The following MYO18B variants were observed in gnomAD, a reference collection of about 807,000 sequenced individuals.
MYO18B encodes unconventional myosin-XVIIIb.
Under a neutral mutation model 273.0 loss-of-function variants are expected in MYO18B, and 204 were observed. The observed-to-expected ratio is 0.75, with a 90% CI of 0.67 to 0.84. The LOEUF is 0.84. Ranked by LOEUF, MYO18B falls within the 40% of genes least tolerant of loss-of-function variation. The probability of loss-of-function intolerance (pLI) is 0.00; values close to 1 mark genes in which losing one functional copy is unlikely to be tolerated. For synonymous variants in MYO18B, 1,330 were observed against 1,305.7 expected (o/e 1.02, Z -0.40); for missense variants, 3,212 against 3,287.6 (o/e 0.98, Z 0.56).
intron 2 of MYO18B, among the ~76,000 whole-genome samples, chr22:25,762,911 C>T (rs907596403): frequency 4.6e-5 from 7 of 152,238 alleles, no homozygotes; most frequent in African/African-American, 1.7e-4. Context: ...TAGAAATGGG[C>T]ATGTCCCATG....
At chr22:25,869,784 C>A (rs2090998087) in intron 22 of MYO18B, among the ~76,000 whole-genome samples, 1 of 152,200 alleles carries the variant, frequency 6.6e-6, no homozygotes, top group South Asian at 2.1e-4. Context: ...GCTACCACCC[C>A]TCAGCCCACC....
At chr22:25,946,794 C>T (rs1318940354) in intron 35 of MYO18B, among the ~76,000 whole-genome samples, 1 of 152,140 alleles carries the variant, frequency 6.6e-6, no homozygotes, top group Non-Finnish European at 1.5e-5. Context: ...CATGTCCCCT[C>T]TAGTAAGTGG....
intron 40 of MYO18B, among the ~76,000 whole-genome samples, chr22:25,993,990 T>C (rs1001886055): frequency 6.6e-6 from 1 of 152,204 alleles, no homozygotes; most frequent in Admixed American, 6.5e-5. Context: ...TAGTACTCTC[T>C]TTAGGAGATT....
At chr22:26,060,547 T>C in the MYO18B span, among the ~76,000 whole-genome samples, 12,926 of 152,196 alleles carry the variant, frequency 0.085, 613 homozygotes, top group Middle Eastern at 0.16. Flanking sequence ...ATACTGACAG[T>C]AGACTAAAGA....
At chr22:25,747,917 A>G (rs1319697409) in intron 1 of MYO18B, among the ~76,000 whole-genome samples, 4 of 152,148 alleles carry the variant, frequency 2.6e-5, no homozygotes, top group African/African-American at 9.7e-5. Context: ...GAGAGGTTTG[A>G]CAACAGGCAT....
the MYO18B span, among the ~76,000 whole-genome samples, chr22:26,043,880 T>G: frequency 6.6e-6 from 1 of 152,078 alleles, no homozygotes; most frequent in South Asian, 2.1e-4. Flanking sequence ...ACTCCTGAGC[T>G]CCTCAGCCTC....
intron 7 of MYO18B, among the ~76,000 whole-genome samples, chr22:25,773,585 C>A (rs1042792822): frequency 3.3e-5 from 5 of 152,076 alleles, no homozygotes; most frequent in Non-Finnish European, 7.4e-5. Context: ...TGCCTCAGCC[C>A]CCCGAGTAGC....
rs539638449 is a variant in MYO18B, at chr22:26,013,936, T to C, written c.6470+9081T>C. Among the ~76,000 whole-genome samples, 231 of 152,326 alleles carry C rather than the reference T, an allele frequency of 1.5e-3. 2 individuals are homozygous for C. Among genetic ancestry groups the C allele is most frequent in the African/African-American group, 5.1e-3 (214 of 41,580 alleles). On this transcript the variant is annotated intron_variant, in intron 42 of 43. Transcript: ENST00000335473. The stretch of plus-strand genomic sequence containing the variant: ...CCTTTATAAGGTATGTGGGTTTTCT[T>C]CCACTCAGTCACTTACCTTTTTCAC...
intron 31 of MYO18B, among the ~76,000 whole-genome samples, chr22:25,905,488 G>A (rs550054472): frequency 3.9e-5 from 6 of 152,152 alleles, no homozygotes; most frequent in African/African-American, 7.2e-5. Context: ...AGATCTGGTC[G>A]TGACAGCAGG....
At chr22:25,747,440 CATT>C (rs1409557912) in intron 1 of MYO18B, among the ~76,000 whole-genome samples, 1 of 152,192 alleles carries the variant, frequency 6.6e-6, no homozygotes, top group South Asian at 2.1e-4. Context: ...GTGAAAGAAA[CATT>C]ATTGGCCATC....
intron 33 of MYO18B, 136 bp from the exon 34 acceptor site, chr22:25,921,121 G>T: frequency 1.2e-6 from 1 of 832,938 alleles, no homozygotes. Flanking sequence ...GGCTCGGAGA[G>T]GAGAATGGTC....
intron 17 of MYO18B, among the ~76,000 whole-genome samples, chr22:25,838,284 C>T (rs375203767): frequency 5.9e-5 from 9 of 152,098 alleles, no homozygotes; most frequent in East Asian, 3.9e-4. Flanking sequence ...CTGCAACCTC[C>T]GCCTCCCGGG....
At chr22:26,061,861 T>C in the MYO18B span, among the ~76,000 whole-genome samples, 1 of 148,880 alleles carries the variant, frequency 6.7e-6, no homozygotes, top group African/African-American at 2.5e-5. Flanking sequence ...AGCCCATCAT[T>C]TTTCCATGAT....
chr22:25,980,513 T>C (rs2093138041), intron 39 of MYO18B, among the ~76,000 whole-genome samples: 2 of 152,200 alleles, frequency 1.3e-5, no homozygotes, highest in South Asian at 4.1e-4. Flanking sequence ...AACTCCATTC[T>C]GCCTTTAATA....
chr22:25,782,729 A>T (rs368270320), intron 10 of MYO18B, among the ~76,000 whole-genome samples: 5 of 152,160 alleles, frequency 3.3e-5, no homozygotes, highest in African/African-American at 9.7e-5. Flanking sequence ...GGACAGCCTC[A>T]ACCTGTCTGG....
At chr22:25,850,489 G>A (rs1378921963) in intron 20 of MYO18B, among the ~76,000 whole-genome samples, 1 of 152,152 alleles carries the variant, frequency 6.6e-6, no homozygotes, top group African/African-American at 2.4e-5. Context: ...ATAGGCCCAT[G>A]AGTGTCTATA....
chr22:25,779,951 G>T lies in MYO18B; in HGVS notation c.2069-105G>T, dbSNP rs549785118. ...GCCCACCGGGGGCTGAGGCCAGGATGGGGACTGGCCCAAGCAGGGGCCGTG... is the reference window on the plus strand; with the variant it reads ...GCCCACCGGGGGCTGAGGCCAGGATTGGGACTGGCCCAAGCAGGGGCCGTG... On this transcript the variant is annotated intron_variant, in intron 8 of 43. Transcript: ENST00000335473. 1,718 of 1,389,320 alleles carry T rather than the reference G, an allele frequency of 1.2e-3. 5 individuals are homozygous for T. The highest frequency in any genetic ancestry group is 5.0e-3 in the South Asian group (343 of 69,264). 86.1% of individuals were successfully genotyped at this position (1,389,320 alleles called of 1,614,324 possible). A position where few individuals can be genotyped will look rare whatever the true frequency, so the allele number is the denominator to read the frequency against.
At chr22:25,753,258 G>A (rs1392960279) in intron 1 of MYO18B, among the ~76,000 whole-genome samples, 1 of 152,170 alleles carries the variant, frequency 6.6e-6, no homozygotes, top group African/African-American at 2.4e-5. Context: ...GGGGGTTGCT[G>A]GATTGGAGAA....
intron 24 of MYO18B, chr22:25,876,950 G>T (rs1344926543): frequency 6.6e-6 from 1 of 152,032 alleles, no homozygotes; most frequent in African/African-American, 2.4e-5. Flanking sequence ...GCCCTCCTTT[G>T]TGTGTCTGCT....
Sources: gnomAD v4.1 joint callset for allele counts (sites outside exome capture counted in the v4.1 genomes callset) on GRCh38, gnomAD v4.1.1 for gene constraint, MANE v1.5 for transcripts, NCBI Gene and HGNC (gene_info 2026-07-23, HGNC 2026-07-21) for gene names.